Variants in PCGF3 observed in about 807,000 individuals in gnomAD.
The protein encoded by PCGF3 is polycomb group ring finger 3.
In PCGF3, 7 loss-of-function variants were observed where a neutral mutation model predicts 33.1. The observed-to-expected ratio is 0.21, with a 90% confidence interval of 0.12 to 0.40. PCGF3 has a LOEUF of 0.40. Among genes scored for constraint, PCGF3 ranks in the 10% least tolerant of loss-of-function variants. The pLI, the probability that PCGF3 is intolerant of heterozygous loss-of-function variation, is 1.00. For synonymous variants in PCGF3, 153 were observed against 121.3 expected, an observed-to-expected ratio of 1.26 and a Z score of -1.72; for missense variants, 211 against 313.3, an observed-to-expected ratio of 0.67 and a Z score of 2.46.
At chr4:763,186 T>G (rs1279722084) in intron 9 of PCGF3, among the ~76,000 whole-genome samples, 1 of 152,170 alleles carries the variant, frequency 6.6e-6, no homozygotes, top group Non-Finnish European at 1.5e-5. Context: ...TTGCTAAGTT[T>G]CTATCGTTTT....
chr4:764,914 G>C (rs1044751545), intron 9 of PCGF3, 70 bp from the exon 10 acceptor site: 1 of 1,013,384 alleles, frequency 9.9e-7, no homozygotes, highest in East Asian at 2.4e-5. Context: ...TTTCATACCA[G>C]CATCAAGGTG....
intron 6 of PCGF3, among the ~76,000 whole-genome samples, chr4:738,502 C>T (rs1404411678): frequency 2.0e-5 from 3 of 151,738 alleles, no homozygotes; most frequent in Non-Finnish European, 2.9e-5. Flanking sequence ...TAGCAGTGGG[C>T]GGGATCGGGG....
chr4:734,404 A>G, intron 4 of PCGF3: 2 of 1,381,750 alleles, frequency 1.4e-6, no homozygotes, highest in Non-Finnish European at 1.9e-6. Flanking sequence ...TTTAAAATGA[A>G]GTGTACGCTT....
At chr4:753,137 C>T (rs535625543) in intron 8 of PCGF3, among the ~76,000 whole-genome samples, 2 of 152,366 alleles carry the variant, frequency 1.3e-5, no homozygotes, top group East Asian at 3.9e-4. Flanking sequence ...TCTCCCAGAG[C>T]TGACAAGCCC....
chr4:716,697 C>T lies in PCGF3; in HGVS notation c.-190+10727C>T, dbSNP rs182859074. 1.6e-3 allele frequency among the ~76,000 whole-genome samples: 189 copies of T among 118,874 alleles called. 4 individuals carry two copies. The highest frequency in any genetic ancestry group is 2.0e-3 in the Admixed American group (21 of 10,620). 78.0% of individuals were successfully genotyped at this position (118,874 alleles called of 152,430 possible). A position where few individuals can be genotyped will look rare whatever the true frequency, so the allele number is the denominator to read the frequency against. ...CTGTAGACACTGTGTGAGAACTGGGCGTCGGTGCTGGGACCCTGAAGACAC... is the reference window on the plus strand; with the variant it reads ...CTGTAGACACTGTGTGAGAACTGGGTGTCGGTGCTGGGACCCTGAAGACAC... On this transcript the variant is annotated intron_variant, in intron 1 of 10. Coordinates refer to ENST00000362003, the Ensembl canonical transcript of PCGF3.
intron 8 of PCGF3, chr4:757,523 A>G (rs902773704): frequency 6.6e-6 from 1 of 152,232 alleles, no homozygotes; most frequent in African/African-American, 2.4e-5. Flanking sequence ...TAATCTAGCT[A>G]TGCCAGCTTT....
chr4:765,932 G>C (rs561595160), intron 10 of PCGF3, 100 bp from the exon 11 acceptor site: 10 of 1,023,326 alleles, frequency 9.8e-6, no homozygotes, highest in Admixed American at 1.7e-5. Flanking sequence ...TGTGGACTGT[G>C]CCTCACGGGA....
At chr4:749,864 C>G (rs1744436965) in intron 8 of PCGF3, among the ~76,000 whole-genome samples, 1 of 152,134 alleles carries the variant, frequency 6.6e-6, no homozygotes, top group Non-Finnish European at 1.5e-5. Flanking sequence ...CTCACCCAAC[C>G]TGGAGTGCAA....
intron 1 of PCGF3, among the ~76,000 whole-genome samples, chr4:718,347 C>G (rs1742943156): frequency 6.6e-6 from 1 of 152,090 alleles, no homozygotes; most frequent in Admixed American, 6.5e-5. Context: ...TCCTGGACAG[C>G]TGCAGGCCTG....
intron 1 of PCGF3, among the ~76,000 whole-genome samples, chr4:712,942 C>T (rs140492411): frequency 2.0e-5 from 3 of 152,354 alleles, no homozygotes; most frequent in East Asian, 1.9e-4. Flanking sequence ...CAGTGGGTCC[C>T]GTTGGCCTTG....
At chr4:762,091 C>G (rs1438281917) in intron 9 of PCGF3, 1 of 985,196 alleles carries the variant, frequency 1.0e-6, no homozygotes, top group African/African-American at 1.7e-5. Context: ...GAGATGCTGT[C>G]TGTAGCAGCA....
At chr4:750,460 C>T (rs563785946) in intron 8 of PCGF3, among the ~76,000 whole-genome samples, 2 of 152,286 alleles carry the variant, frequency 1.3e-5, no homozygotes, top group South Asian at 2.1e-4. Context: ...GGTAAACAAG[C>T]GGACCCCGGG....
chr4:718,867 T>C (rs1469434489), intron 1 of PCGF3, among the ~76,000 whole-genome samples: 1 of 152,244 alleles, frequency 6.6e-6, no homozygotes, highest in Non-Finnish European at 1.5e-5. Flanking sequence ...GGATGCTTAC[T>C]GTCTTTCGAG....
At chr4:709,215 C>T (rs573936733) in intron 1 of PCGF3, among the ~76,000 whole-genome samples, 11 of 151,460 alleles carry the variant, frequency 7.3e-5, no homozygotes, top group African/African-American at 2.4e-5. Context: ...GATGCATGAA[C>T]GAATGAAAGG....
chr4:767,242 T>C (rs989339192), exon 11 of PCGF3: 3 of 152,244 alleles, frequency 2.0e-5, no homozygotes, highest in Non-Finnish European at 4.4e-5. Flanking sequence ...CCTCAGTTGG[T>C]TGCACCGTTA....
At chr4:733,345 G>T (rs569416136) in intron 3 of PCGF3, among the ~76,000 whole-genome samples, 2 of 152,370 alleles carry the variant, frequency 1.3e-5, no homozygotes, top group East Asian at 3.9e-4. Flanking sequence ...AAGACAGACA[G>T]CTCGGGGATC....
At chr4:750,004 C>T (rs1047710272) in intron 8 of PCGF3, among the ~76,000 whole-genome samples, 3 of 152,112 alleles carry the variant, frequency 2.0e-5, no homozygotes, top group Non-Finnish European at 2.9e-5. Context: ...TGGAGTCTTG[C>T]TGTGTTGCCT....
At chr4:761,767 C>CAA in intron 9 of PCGF3, 1 of 985,420 alleles carries the variant, frequency 1.0e-6, no homozygotes, top group Non-Finnish European at 1.2e-6. Flanking sequence ...AGGACCCTTC[C>CAA]AGGCTGTGGT....
chr4:744,407 C>T (rs560941166), intron 7 of PCGF3, among the ~76,000 whole-genome samples, 193 bp from the exon 8 acceptor site: 67 of 152,254 alleles, frequency 4.4e-4, no homozygotes, highest in Admixed American at 1.6e-3. Context: ...CAGGCCCACA[C>T]GCCCGTTCTG....
Sources: allele counts gnomAD v4.1 joint callset (sites outside exome capture counted in the v4.1 genomes callset), GRCh38; gene constraint gnomAD v4.1.1; transcripts MANE v1.5; gene names NCBI Gene and HGNC (gene_info 2026-07-23, HGNC 2026-07-21).